The following B4GALT6 variants were observed in gnomAD, a reference collection of about 807,000 sequenced individuals.
B4GALT6 encodes the protein UDP-Gal:beta-GlcNAc beta-1,4-galactosyltransferase 6.
A neutral mutation model predicts 46.3 loss-of-function variants in B4GALT6; 14 were observed. The ratio of observed to expected loss-of-function variants is 0.30; its 90% CI spans 0.20 to 0.47. The LOEUF (loss-of-function observed/expected upper bound fraction) is 0.47, where lower values mean the gene tolerates loss of function less well. Among genes scored for constraint, B4GALT6 ranks in the 20% least tolerant of loss-of-function variants. The probability of loss-of-function intolerance (pLI) is 0.99; values close to 1 mark genes in which losing one functional copy is unlikely to be tolerated. For synonymous variants in B4GALT6, 168 were observed against 162.0 expected (o/e 1.04, Z -0.28); for missense variants, 386 against 480.1 (o/e 0.80, Z 1.83).
chr18:31,662,019 G>C (rs1211754856), intron 2 of B4GALT6, among the ~76,000 whole-genome samples: 3 of 152,144 alleles, frequency 2.0e-5, no homozygotes, highest in African/African-American at 7.2e-5. Context: ...CGGCTCTCTA[G>C]ACATTTCTGC....
the B4GALT6 span, among the ~76,000 whole-genome samples, chr18:31,701,751 A>G: frequency 2.2e-4 from 34 of 152,332 alleles, no homozygotes; most frequent in Non-Finnish European, 2.5e-4. Context: ...GACAAATGTT[A>G]CTATACAAAA....
chr18:31,673,964 T>C (rs1178303452), intron 1 of B4GALT6, among the ~76,000 whole-genome samples: 4 of 151,954 alleles, frequency 2.6e-5, no homozygotes, highest in Admixed American at 2.6e-4. Context: ...ACGAAGGCAA[T>C]GTGAAGACAG....
intron 1 of B4GALT6, among the ~76,000 whole-genome samples, chr18:31,668,400 C>T (rs995764600): frequency 2.6e-5 from 4 of 152,172 alleles, no homozygotes; most frequent in Non-Finnish European, 5.9e-5. Context: ...ATACTCCAAA[C>T]CTCTGCATCA....
In B4GALT6 at chr18:31,646,057, C is replaced by T. The variant is rs573168431; in HGVS notation, c.347-578G>A. Among the ~76,000 whole-genome samples the T allele has an allele frequency of 2.0e-5, 3 of 152,284 alleles. No homozygotes were observed. The East Asian group carries it at 5.8e-4, about 29-fold the overall frequency. ...ATCATCTGTGTGAAGGATCATATGCCGTGTCAGGCATTAGGTACAACCAAC... is the reference window on the plus strand; with the variant it reads ...ATCATCTGTGTGAAGGATCATATGCTGTGTCAGGCATTAGGTACAACCAAC... On this transcript the variant is annotated intron_variant, in intron 3 of 8. Coordinates refer to ENST00000306851, the MANE Select transcript of B4GALT6 (RefSeq NM_004775.5).
At chr18:31,628,357 C>A (rs536099370) in intron 6 of B4GALT6, among the ~76,000 whole-genome samples, 19 of 152,214 alleles carry the variant, frequency 1.2e-4, no homozygotes, top group Admixed American at 1.2e-3. Flanking sequence ...CTTGCCCAGG[C>A]TAGTAGTTTA....
upstream of B4GALT6, chr18:31,686,450 T>G (rs1434766898): frequency 6.6e-6 from 1 of 152,172 alleles, no homozygotes; most frequent in East Asian, 1.9e-4. Context: ...TGCAAGGCTG[T>G]GAGATTAAAT....
intron 5 of B4GALT6, among the ~76,000 whole-genome samples, chr18:31,635,778 A>C (rs960954753): frequency 6.6e-6 from 1 of 152,218 alleles, no homozygotes; most frequent in Non-Finnish European, 1.5e-5. Flanking sequence ...AGATCGTGCT[A>C]TCGCACTCCA....
At chr18:31,685,035 G>T (rs2074529943), upstream of B4GALT6, among the ~76,000 whole-genome samples, 1 of 145,998 alleles carries the variant, frequency 6.8e-6, no homozygotes, top group Non-Finnish European at 1.5e-5. Flanking sequence ...GGCCCGCGGG[G>T]GCCCTCGGGG....
chr18:31,643,855 C>T (rs892294873), intron 4 of B4GALT6, among the ~76,000 whole-genome samples: 1 of 152,190 alleles, frequency 6.6e-6, no homozygotes, highest in Non-Finnish European at 1.5e-5. Flanking sequence ...GGGTGTGCTA[C>T]ATTCTGTACA....
chr18:31,708,489 C>G, the B4GALT6 span, among the ~76,000 whole-genome samples: 15 of 151,952 alleles, frequency 9.9e-5, no homozygotes, highest in African/African-American at 3.4e-4. Flanking sequence ...TGCTTGAACC[C>G]GGGAGGCAGA....
At chr18:31,635,575 A>AAAAAC (rs1462722222) in intron 5 of B4GALT6, among the ~76,000 whole-genome samples, 1 of 152,202 alleles carries the variant, frequency 6.6e-6, no homozygotes, top group African/African-American at 2.4e-5. Context: ...AAACAAAACA[A>AAAAAC]AAAACAAAAC....
chr18:31,648,954 G>T (rs1404931083), intron 3 of B4GALT6, among the ~76,000 whole-genome samples: 1 of 152,134 alleles, frequency 6.6e-6, no homozygotes, highest in African/African-American at 2.4e-5. Context: ...TACCCTCAGG[G>T]TTTTAAATGT....
intron 2 of B4GALT6, among the ~76,000 whole-genome samples, chr18:31,661,647 C>G (rs2074218767): frequency 2.0e-5 from 3 of 152,090 alleles, no homozygotes; most frequent in Non-Finnish European, 4.4e-5. Context: ...TTCTGAATCT[C>G]TTCAATTTTT....
chr18:31,651,041 C>T (rs1221622846), intron 3 of B4GALT6, among the ~76,000 whole-genome samples: 1 of 152,206 alleles, frequency 6.6e-6, no homozygotes, highest in Admixed American at 6.5e-5. Context: ...GCTGGGATTA[C>T]AGGCGTGAGC....
At chr18:31,722,653 T>C in the B4GALT6 span, among the ~76,000 whole-genome samples, 44 of 152,270 alleles carry the variant, frequency 2.9e-4, no homozygotes, top group African/African-American at 9.9e-4. Flanking sequence ...CTGAAGTGGG[T>C]GCTCACAGGA....
intron 3 of B4GALT6, among the ~76,000 whole-genome samples, chr18:31,656,880 A>G (rs967368699): frequency 9.8e-5 from 15 of 152,358 alleles, no homozygotes; most frequent in East Asian, 7.7e-4. Context: ...CCCATGATGC[A>G]GCAAGTCACA....
At chr18:31,633,607 C>T (rs937143896) in intron 5 of B4GALT6, among the ~76,000 whole-genome samples, 1 of 152,126 alleles carries the variant, frequency 6.6e-6, no homozygotes, top group Non-Finnish European at 1.5e-5. Context: ...CCTGCACTTC[C>T]TTATTTGCTT....
intron 3 of B4GALT6, among the ~76,000 whole-genome samples, chr18:31,646,567 C>T (rs187897032): frequency 2.6e-5 from 4 of 152,322 alleles, no homozygotes; most frequent in East Asian, 1.9e-4. Context: ...TGCTCTGGAG[C>T]GCCCTCCAGC....
intron 1 of B4GALT6, among the ~76,000 whole-genome samples, chr18:31,670,315 A>C (rs996146376): frequency 6.6e-6 from 1 of 152,164 alleles, no homozygotes; most frequent in African/African-American, 2.4e-5. Flanking sequence ...TCAGCCTCTC[A>C]AAGTGGTGGG....
Sources: gnomAD v4.1 joint callset for allele counts (sites outside exome capture counted in the v4.1 genomes callset) on GRCh38, gnomAD v4.1.1 for gene constraint, MANE v1.5 for transcripts, NCBI Gene and HGNC (gene_info 2026-07-23, HGNC 2026-07-21) for gene names.